Variants in LDB2 observed in about 807,000 individuals in gnomAD.
LDB2 encodes LIM domain binding 2, also known as LIM domain-binding protein 2.
A neutral mutation model predicts 44.3 loss-of-function variants in LDB2; 12 were observed. That is an observed-to-expected ratio of 0.27 (90% CI 0.17 to 0.44). The LOEUF is 0.44. Among genes scored for constraint, LDB2 ranks in the 20% least tolerant of loss-of-function variants. The probability of loss-of-function intolerance (pLI) is 1.00; values close to 1 mark genes in which losing one functional copy is unlikely to be tolerated. For synonymous variants in LDB2, 164 were observed against 174.8 expected (o/e 0.94, Z 0.49); for missense variants, 344 against 473.5 (o/e 0.73, Z 2.54).
intron 2 of LDB2, among the ~76,000 whole-genome samples, chr4:16,699,697 G>A (rs995706926): frequency 2.0e-5 from 3 of 152,130 alleles, no homozygotes; most frequent in Non-Finnish European, 2.9e-5. Context: ...AAGGAAGAAG[G>A]AAGAAAATGC....
intron 7 of LDB2, chr4:16,506,072 C>T: frequency 7.2e-7 from 1 of 1,385,980 alleles, no homozygotes; most frequent in Non-Finnish European, 9.7e-7. Context: ...ACACAGACCA[C>T]AGCTGTGGTC....
chr4:16,589,760 CA>C (rs1388016384), intron 3 of LDB2, among the ~76,000 whole-genome samples: 3 of 152,088 alleles, frequency 2.0e-5, no homozygotes, highest in Non-Finnish European at 2.9e-5. Flanking sequence ...ACTCATTAAT[CA>C]GACGATTTCT....
chr4:16,741,752 G>A (rs1763293608), intron 2 of LDB2, among the ~76,000 whole-genome samples: 1 of 152,126 alleles, frequency 6.6e-6, no homozygotes, highest in African/African-American at 2.4e-5. Flanking sequence ...CTGCCCCCTG[G>A]AGAGATTGGT....
intron 2 of LDB2, among the ~76,000 whole-genome samples, chr4:16,690,586 G>A (rs936351913): frequency 4.1e-5 from 6 of 147,792 alleles, no homozygotes; most frequent in African/African-American, 9.9e-5. Context: ...GACAGGAAAC[G>A]AAGGAAAGGA....
chr4:16,666,947 T>G (rs996191179), intron 2 of LDB2, among the ~76,000 whole-genome samples: 2 of 151,848 alleles, frequency 1.3e-5, no homozygotes, highest in Non-Finnish European at 2.9e-5. Flanking sequence ...TTGAACAGGG[T>G]GGGGGAATGG....
chr4:16,599,417 C>G (rs938585473), intron 2 of LDB2, among the ~76,000 whole-genome samples: 2 of 152,134 alleles, frequency 1.3e-5, no homozygotes, highest in African/African-American at 4.8e-5. Flanking sequence ...CTTTCAGGAT[C>G]CTTGTGATTG....
chr4:16,694,643 T>C (rs1395823328), intron 2 of LDB2, among the ~76,000 whole-genome samples: 1 of 152,074 alleles, frequency 6.6e-6, no homozygotes, highest in Non-Finnish European at 1.5e-5. Context: ...AAACTTATGA[T>C]GGGGTGTGTG....
chr4:16,751,287 C>T (rs1353195338), intron 2 of LDB2, among the ~76,000 whole-genome samples: 1 of 152,142 alleles, frequency 6.6e-6, no homozygotes, highest in Non-Finnish European at 1.5e-5. Flanking sequence ...TAAAAACATA[C>T]CATATCTGAA....
intron 2 of LDB2, among the ~76,000 whole-genome samples, chr4:16,688,645 T>C (rs1749842323): frequency 6.6e-6 from 1 of 152,182 alleles, no homozygotes; most frequent in Non-Finnish European, 1.5e-5. Flanking sequence ...GAGACCTAGT[T>C]TGGAGCTTTT....
chr4:16,776,430 GA>G, intron 1 of LDB2, among the ~76,000 whole-genome samples: 1 of 152,294 alleles, frequency 6.6e-6, no homozygotes, highest in African/African-American at 2.4e-5. Context: ...TATAAAAGAA[GA>G]AATCTCTAAA....
intron 2 of LDB2, among the ~76,000 whole-genome samples, chr4:16,635,314 T>A (rs1436310505): frequency 1.3e-5 from 2 of 152,004 alleles, no homozygotes; most frequent in Non-Finnish European, 2.9e-5. Flanking sequence ...GTCACCCACA[T>A]CCCTGTCCTT....
intron 5 of LDB2, among the ~76,000 whole-genome samples, chr4:16,557,080 G>A (rs1739903482): frequency 6.6e-6 from 1 of 152,156 alleles, no homozygotes; most frequent in Admixed American, 6.5e-5. Context: ...GATAGATCTC[G>A]ATATAGGAGG....
At chr4:16,621,114 G>C (rs1728757887) in intron 2 of LDB2, among the ~76,000 whole-genome samples, 1 of 152,118 alleles carries the variant, frequency 6.6e-6, no homozygotes, top group Non-Finnish European at 1.5e-5. Flanking sequence ...CAATAACCAA[G>C]AAAAATTTTC....
intron 1 of LDB2, among the ~76,000 whole-genome samples, chr4:16,800,063 G>A (rs1341739668): frequency 1.3e-5 from 2 of 152,026 alleles, no homozygotes; most frequent in African/African-American, 4.8e-5. Context: ...GGTCCGGGAC[G>A]GGAAAGCTCA....
intron 1 of LDB2, among the ~76,000 whole-genome samples, chr4:16,808,220 G>A (rs1350355262): frequency 6.6e-6 from 1 of 152,214 alleles, no homozygotes; most frequent in Non-Finnish European, 1.5e-5. Flanking sequence ...CAACATGCCA[G>A]GAGGAGCTTC....
Position 16,837,567 on chromosome 4 carries a change from C to G in LDB2, c.132+60787G>C, listed in dbSNP as rs150438374. Among the ~76,000 whole-genome samples, 419 of 152,318 alleles carry G rather than the reference C, an allele frequency of 2.8e-3. 1 individual carries two copies. The highest frequency in any genetic ancestry group is 4.6e-3 in the Non-Finnish European group (312 of 68,028). On this transcript the variant is annotated intron_variant, in intron 1 of 7. Coordinates refer to ENST00000304523, the MANE Select transcript of LDB2 (RefSeq NM_001290.5). Reference sequence around the variant, plus strand: ...TAGAGACTTAGAAGTCACTTGCACACTAGGATTGCTTTCTGGCTCTGCATG... The same window carrying G: ...TAGAGACTTAGAAGTCACTTGCACAGTAGGATTGCTTTCTGGCTCTGCATG...
intron 1 of LDB2, among the ~76,000 whole-genome samples, chr4:16,813,266 G>A (rs1780246789): frequency 6.6e-6 from 1 of 152,124 alleles, no homozygotes; most frequent in Admixed American, 6.5e-5. Flanking sequence ...AATTACAGGT[G>A]TGAGCCACTG....
chr4:16,664,418 A>G (rs2152544809), intron 2 of LDB2, among the ~76,000 whole-genome samples: 1 of 152,314 alleles, frequency 6.6e-6, no homozygotes, highest in East Asian at 1.9e-4. Flanking sequence ...AGGGACTAAG[A>G]CAATATGGAA....
At chr4:16,808,511 G>A (rs893344267) in intron 1 of LDB2, among the ~76,000 whole-genome samples, 1 of 152,142 alleles carries the variant, frequency 6.6e-6, no homozygotes, top group Non-Finnish European at 1.5e-5. Context: ...GAAAACATGA[G>A]ATGATTATGA....
Sources: allele counts gnomAD v4.1 joint callset (sites outside exome capture counted in the v4.1 genomes callset), GRCh38; gene constraint gnomAD v4.1.1; transcripts MANE v1.5; gene names NCBI Gene and HGNC (gene_info 2026-07-23, HGNC 2026-07-21).